The following ANKS1B variants were observed in gnomAD, a reference collection of about 807,000 sequenced individuals.
ANKS1B encodes the protein ankyrin repeat and sterile alpha motif domain-containing protein 1B.
A neutral mutation model predicts 148.3 loss-of-function variants in ANKS1B; 36 were observed. The ratio of observed to expected loss-of-function variants is 0.24; its 90% CI spans 0.19 to 0.32. ANKS1B has a LOEUF of 0.32. Ranked by LOEUF, ANKS1B falls within the 10% of genes least tolerant of loss-of-function variation. The pLI is 1.00. For missense variants in ANKS1B, 1,157 were observed against 1,542.6 expected, an observed-to-expected ratio of 0.75 and a Z score of 4.19; for synonymous variants, 542 against 560.8, an observed-to-expected ratio of 0.97 and a Z score of 0.47.
intron 10 of ANKS1B, among the ~76,000 whole-genome samples, chr12:99,462,067 A>G (rs1032677660): frequency 6.6e-6 from 1 of 152,212 alleles, no homozygotes; most frequent in Non-Finnish European, 1.5e-5. Context: ...CAGTAACTAC[A>G]TTCACTCTTG....
At chr12:99,238,767 C>T (rs1034584862) in intron 14 of ANKS1B, among the ~76,000 whole-genome samples, 2 of 152,124 alleles carry the variant, frequency 1.3e-5, no homozygotes, top group Non-Finnish European at 2.9e-5. Flanking sequence ...GATACCCAGG[C>T]AAACAGGGTC....
chr12:98,820,901 A>C (rs546183062), intron 19 of ANKS1B, among the ~76,000 whole-genome samples: 1 of 152,340 alleles, frequency 6.6e-6, no homozygotes, highest in South Asian at 2.1e-4. Flanking sequence ...CATGAGATTT[A>C]CTTTAAAATG....
chr12:99,243,552 A>G (rs1048973185), intron 14 of ANKS1B, among the ~76,000 whole-genome samples: 1 of 152,250 alleles, frequency 6.6e-6, no homozygotes, highest in Non-Finnish European at 1.5e-5. Flanking sequence ...ATCATAAATC[A>G]TGTTACTATG....
intron 9 of ANKS1B, among the ~76,000 whole-genome samples, chr12:99,510,707 G>A (rs566169054): frequency 6.6e-6 from 1 of 152,132 alleles, no homozygotes; most frequent in African/African-American, 2.4e-5. Flanking sequence ...ATAAAGCAGT[G>A]GCAGGGTTTG....
intron 10 of ANKS1B, among the ~76,000 whole-genome samples, chr12:99,480,691 T>C (rs1214975139): frequency 6.6e-6 from 1 of 151,834 alleles, no homozygotes; most frequent in African/African-American, 2.4e-5. Context: ...TCTTAATAAG[T>C]TACATATGAC....
intron 8 of ANKS1B, among the ~76,000 whole-genome samples, chr12:99,694,588 A>G (rs1486308748): frequency 2.6e-5 from 4 of 152,210 alleles, no homozygotes; most frequent in Non-Finnish European, 4.4e-5. Context: ...TGACCAAAGC[A>G]TCATAAATGT....
At chr12:99,743,643 T>C (rs1316140052) in intron 8 of ANKS1B, among the ~76,000 whole-genome samples, 1 of 152,182 alleles carries the variant, frequency 6.6e-6, no homozygotes, top group Admixed American at 6.5e-5. Flanking sequence ...ATTCTGCGGT[T>C]TTCTATTCCT....
chr12:98,781,542 T>C (rs986530349), intron 23 of ANKS1B: 4 of 430,284 alleles, frequency 9.3e-6, no homozygotes, highest in Non-Finnish European at 9.0e-6. Flanking sequence ...CCTACTGCAA[T>C]TTCAAGTGAC....
chr12:99,934,195 G>C (rs2094698124), intron 1 of ANKS1B, among the ~76,000 whole-genome samples: 1 of 152,026 alleles, frequency 6.6e-6, no homozygotes, highest in East Asian at 1.9e-4. Context: ...GAGGATTTCT[G>C]CATCAATGTT....
intron 8 of ANKS1B, among the ~76,000 whole-genome samples, chr12:99,755,790 T>C (rs763892593): frequency 4.6e-5 from 7 of 152,084 alleles, no homozygotes; most frequent in Non-Finnish European, 7.4e-5. Context: ...AAAAGGCTTT[T>C]GATAAAATTC....
intron 3 of ANKS1B, among the ~76,000 whole-genome samples, chr12:99,807,544 T>C (rs2067790421): frequency 6.6e-6 from 1 of 152,076 alleles, no homozygotes; most frequent in South Asian, 2.1e-4. Flanking sequence ...GTAACAAAAA[T>C]GCAATAACCG....
At chr12:99,586,892 C>T (rs2097647698) in intron 9 of ANKS1B, among the ~76,000 whole-genome samples, 2 of 151,918 alleles carry the variant, frequency 1.3e-5, no homozygotes, top group Admixed American at 1.3e-4. Flanking sequence ...CCCCATGATT[C>T]AATAACCTCC....
intron 9 of ANKS1B, among the ~76,000 whole-genome samples, chr12:99,635,101 C>A (rs2098219595): frequency 6.6e-6 from 1 of 152,024 alleles, no homozygotes; most frequent in Admixed American, 6.6e-5. Context: ...ATCAAAAAAG[C>A]TAAGTAAGTG....
At chr12:99,281,931 C>T (rs181135919) in intron 12 of ANKS1B, among the ~76,000 whole-genome samples, 90 of 152,316 alleles carry the variant, frequency 5.9e-4, no homozygotes, top group Admixed American at 4.8e-3. Flanking sequence ...TAATACATAA[C>T]AGCCACTGTT....
intron 9 of ANKS1B, among the ~76,000 whole-genome samples, chr12:99,608,643 A>G (rs2097871190): frequency 1.3e-5 from 2 of 152,026 alleles, no homozygotes; most frequent in African/African-American, 2.4e-5. Flanking sequence ...TCAATGCCAA[A>G]GAGAACAGAG....
chr12:99,592,032 G>A (rs1355613348), intron 9 of ANKS1B, among the ~76,000 whole-genome samples: 1 of 152,116 alleles, frequency 6.6e-6, no homozygotes, highest in Non-Finnish European at 1.5e-5. Context: ...ATACTCAAAT[G>A]TACTGAAAAT....
At chr12:99,937,074 A>C (rs1189292775) in intron 1 of ANKS1B, among the ~76,000 whole-genome samples, 1 of 152,162 alleles carries the variant, frequency 6.6e-6, no homozygotes, top group Non-Finnish European at 1.5e-5. Context: ...ACCTGTTATC[A>C]ATACGCACAT....
intron 12 of ANKS1B, among the ~76,000 whole-genome samples, chr12:99,249,729 G>A (rs1428102062): frequency 2.0e-5 from 3 of 152,096 alleles, no homozygotes; most frequent in Admixed American, 1.3e-4. Flanking sequence ...GTCCTCTCAC[G>A]CTGACTCCCT....
At chr12:99,133,023 TTTTTTTTTTC>T (rs1396791893) in intron 15 of ANKS1B, among the ~76,000 whole-genome samples, 1 of 87,062 alleles carries the variant, frequency 1.1e-5, no homozygotes, top group African/African-American at 7.8e-5. Flanking sequence ...GCAACATGGT[TTTTTTTTTTC>T]TTTTTTTTCT....
Sources: gnomAD v4.1 joint callset for allele counts (sites outside exome capture counted in the v4.1 genomes callset) on GRCh38, gnomAD v4.1.1 for gene constraint, MANE v1.5 for transcripts, NCBI Gene and HGNC (gene_info 2026-07-23, HGNC 2026-07-21) for gene names.